Variants in KLRD1 observed in about 807,000 individuals in gnomAD.
KLRD1 encodes the protein natural killer cells antigen CD94.
Under a neutral mutation model 22.6 loss-of-function variants are expected in KLRD1, and 21 were observed. The observed-to-expected ratio is 0.93, with a 90% CI of 0.66 to 1.34. KLRD1 has a LOEUF of 1.34. KLRD1 is among the 40% of genes most tolerant of loss of function. KLRD1 has a pLI of 0.00. For missense variants in KLRD1, 183 were observed against 208.6 expected (o/e 0.88, Z 0.76); for synonymous variants, 59 against 71.1 (o/e 0.83, Z 0.85).
chr12:10,295,843 A>G (rs1395362478), intron 1 of KLRD1, among the ~76,000 whole-genome samples: 1 of 152,202 alleles, frequency 6.6e-6, no homozygotes, highest in Non-Finnish European at 1.5e-5. Context: ...TCATTTAAAG[A>G]AACATATTAG....
chr12:10,280,174 G>A (rs1008446321), intron 1 of KLRD1, among the ~76,000 whole-genome samples: 4 of 152,192 alleles, frequency 2.6e-5, no homozygotes, highest in Admixed American at 1.3e-4. Flanking sequence ...ACAGAGGAAC[G>A]TACAGTGAAA....
chr12:10,271,318 A>G (rs1162432915), intron 1 of KLRD1, among the ~76,000 whole-genome samples: 2 of 152,192 alleles, frequency 1.3e-5, no homozygotes, highest in Non-Finnish European at 2.9e-5. Flanking sequence ...CAAAACCAGG[A>G]AATTGTGTAT....
At chr12:10,295,638 A>G (rs1214657990) in intron 1 of KLRD1, among the ~76,000 whole-genome samples, 1 of 152,228 alleles carries the variant, frequency 6.6e-6, no homozygotes, top group East Asian at 1.9e-4. Flanking sequence ...AATGGACATA[A>G]GATACCTTAA....
intron 1 of KLRD1, among the ~76,000 whole-genome samples, chr12:10,284,021 C>CAAAA (rs10706142): frequency 1.5e-5 from 2 of 129,372 alleles, no homozygotes; most frequent in East Asian, 4.4e-4. Context: ...ATTAAAAATA[C>CAAAA]AAAAAAAAAA....
chr12:10,321,703 G>A lies in KLRD1; in HGVS notation c.*6910G>A, dbSNP rs1950313777. The A allele has an allele frequency of 6.6e-6, 1 of 152,160 alleles. No individual in the cohort carries two copies. The highest frequency in any genetic ancestry group is 1.5e-5 in the Non-Finnish European group (1 of 68,040). 9.4% of individuals were successfully genotyped at this position (152,160 alleles called of 1,614,324 possible). ...GTGGAAGCCAGCTACCTTGTCGTGA[G>A]CAACTCTTTTAAGCGTTCCATGTGG... On this transcript the variant is annotated 3_prime_UTR_variant, in exon 6 of 6. Transcript: ENST00000336164.
At chr12:10,241,201 T>G (rs1949238311) in intron 1 of KLRD1, among the ~76,000 whole-genome samples, 1 of 152,180 alleles carries the variant, frequency 6.6e-6, no homozygotes, top group Non-Finnish European at 1.5e-5. Context: ...TCATTCCCTA[T>G]TCATTTATTG....
At chr12:10,293,204 G>A (rs955030461) in intron 1 of KLRD1, among the ~76,000 whole-genome samples, 6 of 35,578 alleles carry the variant, frequency 1.7e-4, no homozygotes, top group Admixed American at 2.7e-4. Context: ...CACTGGCATA[G>A]CAATTTTGAT....
chr12:10,291,478 G>A (rs1463867727), intron 1 of KLRD1, among the ~76,000 whole-genome samples: 1 of 151,892 alleles, frequency 6.6e-6, no homozygotes, highest in Non-Finnish European at 1.5e-5. Flanking sequence ...TAAATTCTTT[G>A]TTGTCATTTC....
rs1173168297 is a variant in KLRD1 at position 10,322,779 on chromosome 12, C to G, written c.*7986C>G. On this transcript the variant is annotated 3_prime_UTR_variant, in exon 6 of 6. Coordinates refer to ENST00000336164, the MANE Select transcript of KLRD1 (RefSeq NM_002262.5). Reference sequence around the variant, plus strand: ...CACTTACACGATTACTACCAGATTGCAATAGAGACTACCTACCACCACCAA... The same window carrying G: ...CACTTACACGATTACTACCAGATTGGAATAGAGACTACCTACCACCACCAA... 1 of 152,128 alleles carries G rather than the reference C, an allele frequency of 6.6e-6. No homozygotes were observed. Among genetic ancestry groups the G allele is most frequent in the African/African-American group, 2.4e-5 (1 of 41,436 alleles). 9.4% of individuals were successfully genotyped at this position (152,128 alleles called of 1,614,324 possible).
chr12:10,268,669 C>T (rs767711504), intron 1 of KLRD1, among the ~76,000 whole-genome samples: 2 of 152,052 alleles, frequency 1.3e-5, no homozygotes, highest in Admixed American at 6.5e-5. Flanking sequence ...GGTTTTCTTA[C>T]ATTGTGGCTT....
At chr12:10,281,275 A>G (rs1949639615) in intron 1 of KLRD1, among the ~76,000 whole-genome samples, 1 of 152,192 alleles carries the variant, frequency 6.6e-6, no homozygotes, top group Admixed American at 6.5e-5. Flanking sequence ...GGAGAGGAAC[A>G]GATTCAGCCC....
rs1011042223 is a variant in KLRD1, at chr12:10,329,403, C to T, written c.*14610C>T. 3.9e-5 allele frequency: 6 copies of T among 152,104 alleles called. No homozygotes were observed. Among genetic ancestry groups the T allele is most frequent in the African/African-American group, 1.4e-4 (6 of 41,426 alleles). The allele number at this position is 152,104 out of a possible 1,614,324, so 9.4% of individuals were successfully genotyped here. A position where few individuals can be genotyped will look rare whatever the true frequency, so the allele number is the denominator to read the frequency against. On this transcript the variant is annotated 3_prime_UTR_variant, in exon 6 of 6. Transcript: ENST00000336164. ...TTCAATTTTCTTAATTTTCTTAAGACTTCTTTTATGACCTAACATATGATC... is the reference window on the plus strand; with the variant it reads ...TTCAATTTTCTTAATTTTCTTAAGATTTCTTTTATGACCTAACATATGATC...
In KLRD1 at chr12:10,292,306, GA is replaced by G. The variant is rs1364552949; in HGVS notation, c.-100-15669del. On this transcript the variant is annotated intron_variant, in intron 1 of 5. Transcript: ENST00000544747. The stretch of plus-strand genomic sequence containing the variant: ...GAATCTAGAATAGTGAAGCCTTTCA[GA>G]AAGTTTTGAATTTACATTGCCCAGT... 2.0e-5 allele frequency among the ~76,000 whole-genome samples: 3 copies of G among 152,180 alleles called. No individual in the cohort carries two copies. In the East Asian group the frequency reaches 5.8e-4, roughly 29 times the overall value.
In KLRD1 at chr12:10,316,502, A is replaced by C. The variant is rs1355998784; in HGVS notation, c.*1709A>C. On this transcript the variant is annotated 3_prime_UTR_variant, in exon 6 of 6. Transcript: ENST00000336164. ...ACTGCAGCTTCAACTTCCCAGGCTC[A>C]AGGGATCCTCCCACCTCAGCCTTCT... The C allele has an allele frequency of 3.3e-5, 5 of 152,082 alleles. No homozygotes were observed. In the East Asian group the frequency reaches 5.8e-4, roughly 18 times the overall value. 9.4% of individuals were successfully genotyped at this position (152,082 alleles called of 1,614,324 possible).
intron 1 of KLRD1, among the ~76,000 whole-genome samples, chr12:10,258,681 T>C (rs1949421745): frequency 6.6e-6 from 1 of 152,198 alleles, no homozygotes; most frequent in Non-Finnish European, 1.5e-5. Context: ...CAAAGACATA[T>C]ATGTCTCAGG....
chr12:10,283,341 A>T (rs1352612104), intron 1 of KLRD1, among the ~76,000 whole-genome samples: 1 of 152,212 alleles, frequency 6.6e-6, no homozygotes. Context: ...TCTAATTCAT[A>T]GAAGCAAGGA....
upstream of KLRD1, among the ~76,000 whole-genome samples, chr12:10,304,134 C>T (rs1228814940): frequency 3.3e-5 from 5 of 152,176 alleles, no homozygotes. Flanking sequence ...CTCATAATTT[C>T]AGTTATACAA....
chr12:10,258,289 C>T (rs1662395962), intron 1 of KLRD1, among the ~76,000 whole-genome samples: 3 of 152,112 alleles, frequency 2.0e-5, no homozygotes, highest in Non-Finnish European at 4.4e-5. Flanking sequence ...TGGCACCATG[C>T]ACTATCCCTA....
intron 1 of KLRD1, among the ~76,000 whole-genome samples, chr12:10,278,109 T>C (rs1158851291): frequency 2.6e-5 from 4 of 152,300 alleles, no homozygotes; most frequent in Admixed American, 1.3e-4. Context: ...ATGATCCTAT[T>C]GTTTTCTGGA....
Sources: allele counts gnomAD v4.1 joint callset (sites outside exome capture counted in the v4.1 genomes callset), GRCh38; gene constraint gnomAD v4.1.1; transcripts MANE v1.5; gene names NCBI Gene and HGNC (gene_info 2026-07-23, HGNC 2026-07-21).